Variants in KCND2 observed in about 807,000 individuals in gnomAD.
KCND2 encodes A-type voltage-gated potassium channel KCND2.
In KCND2, 16 loss-of-function variants were observed where a neutral mutation model predicts 54.4. The ratio of observed to expected loss-of-function variants is 0.29; its 90% CI spans 0.20 to 0.45. The LOEUF (loss-of-function observed/expected upper bound fraction) is 0.45, where lower values mean the gene tolerates loss of function less well. Among genes scored for constraint, KCND2 ranks in the 20% least tolerant of loss-of-function variants. The pLI is 1.00. For missense variants in KCND2, 486 were observed against 824.2 expected (o/e 0.59, Z 5.02); for synonymous variants, 317 against 310.7 (o/e 1.02, Z -0.21).
intron 1 of KCND2, among the ~76,000 whole-genome samples, chr7:120,394,362 T>C (rs1283816204): frequency 6.6e-6 from 1 of 151,910 alleles, no homozygotes; most frequent in African/African-American, 2.4e-5. Context: ...CAAGACTAGT[T>C]GAGTCGTGAG....
At chr7:120,733,639 G>A (rs1792834503) in intron 2 of KCND2, among the ~76,000 whole-genome samples, 2 of 152,010 alleles carry the variant, frequency 1.3e-5, no homozygotes, top group South Asian at 2.1e-4. Flanking sequence ...CAGTAGACGA[G>A]GGTTATTAAA....
intron 1 of KCND2, among the ~76,000 whole-genome samples, chr7:120,310,536 T>C (rs774470491): frequency 1.3e-5 from 2 of 152,188 alleles, no homozygotes; most frequent in Non-Finnish European, 2.9e-5. Flanking sequence ...ATTGAGTCTG[T>C]TTCTGTGCCT....
chr7:120,323,319 T>C (rs955188462), intron 1 of KCND2, among the ~76,000 whole-genome samples: 13 of 152,106 alleles, frequency 8.5e-5, no homozygotes, highest in African/African-American at 2.9e-4. Flanking sequence ...TTATTATACT[T>C]TAAGTTTTAG....
Position 120,459,784 on chromosome 7 carries a change from C to T in KCND2, c.1115+184037C>T, listed in dbSNP as rs563601153. Among the ~76,000 whole-genome samples the T allele has an allele frequency of 2.0e-5, 3 of 152,282 alleles. No homozygotes were observed. The East Asian group carries it at 5.8e-4, about 29-fold the overall frequency. ...CTTTTTGTGCCTTAGAATTTATTTTCCTAGTAATTTCAGTATCTAATATTT... is the reference window on the plus strand; with the variant it reads ...CTTTTTGTGCCTTAGAATTTATTTTTCTAGTAATTTCAGTATCTAATATTT... On this transcript the variant is annotated intron_variant, in intron 1 of 5. Coordinates refer to ENST00000331113, the MANE Select transcript of KCND2 (RefSeq NM_012281.3).
intron 1 of KCND2, among the ~76,000 whole-genome samples, chr7:120,663,989 A>C (rs1791895907): frequency 2.6e-5 from 4 of 152,140 alleles, no homozygotes; most frequent in Admixed American, 2.6e-4. Flanking sequence ...TAATTTCTTC[A>C]TGACCTTTAA....
intron 1 of KCND2, among the ~76,000 whole-genome samples, chr7:120,582,875 A>G (rs1276172133): frequency 6.6e-6 from 1 of 152,014 alleles, no homozygotes; most frequent in East Asian, 1.9e-4. Flanking sequence ...TAGAACTCTC[A>G]GAAGGACTTT....
At chr7:120,659,312 TA>T (rs11292818) in intron 1 of KCND2, among the ~76,000 whole-genome samples, 58,670 of 151,864 alleles carry the variant, frequency 0.39, 13,359 homozygotes, top group African/African-American at 0.62. Context: ...ACAATAGGAC[TA>T]AAGAGGGGAG....
chr7:120,277,850 C>T (rs1433863371), intron 1 of KCND2, among the ~76,000 whole-genome samples: 2 of 151,848 alleles, frequency 1.3e-5, no homozygotes, highest in Non-Finnish European at 1.5e-5. Context: ...ATTATATTGC[C>T]TGAGTAAAAT....
At chr7:120,559,731 T>G (rs1180591724) in intron 1 of KCND2, among the ~76,000 whole-genome samples, 1 of 152,240 alleles carries the variant, frequency 6.6e-6, no homozygotes, top group East Asian at 1.9e-4. Flanking sequence ...GATTCCAGTC[T>G]ATGATACAGT....
chr7:120,706,306 G>C (rs1312051596), intron 1 of KCND2, among the ~76,000 whole-genome samples: 1 of 152,158 alleles, frequency 6.6e-6, no homozygotes, highest in African/African-American at 2.4e-5. Context: ...AACCCATTTT[G>C]TGCTGCTACA....
intron 1 of KCND2, among the ~76,000 whole-genome samples, chr7:120,526,089 G>C (rs1017214295): frequency 1.3e-5 from 2 of 151,916 alleles, no homozygotes; most frequent in African/African-American, 4.8e-5. Flanking sequence ...CTTTTATCTT[G>C]ACCCAATGCC....
At chr7:120,647,714 G>C (rs1049383379) in intron 1 of KCND2, among the ~76,000 whole-genome samples, 1 of 152,044 alleles carries the variant, frequency 6.6e-6, no homozygotes, top group Middle Eastern at 3.2e-3. Context: ...TTAAATATTT[G>C]CCAAATTAAC....
intron 3 of KCND2, among the ~76,000 whole-genome samples, chr7:120,741,914 A>T (rs76856186): frequency 6.6e-6 from 1 of 152,094 alleles, no homozygotes; most frequent in African/African-American, 2.4e-5. Flanking sequence ...GTAAAAAAAA[A>T]TGCTTAATAA....
chr7:120,333,695 A>G (rs1040943732), intron 1 of KCND2, among the ~76,000 whole-genome samples: 25 of 152,100 alleles, frequency 1.6e-4, no homozygotes, highest in Non-Finnish European at 3.4e-4. Flanking sequence ...TTATTATTAT[A>G]CTATTATTTT....
chr7:120,610,825 C>T (rs1164211155), intron 1 of KCND2, among the ~76,000 whole-genome samples: 3 of 152,172 alleles, frequency 2.0e-5, no homozygotes, highest in African/African-American at 4.8e-5. Context: ...GGGTACTACT[C>T]ATCTGCTCAC....
chr7:120,572,591 C>T (rs1413773559), intron 1 of KCND2, among the ~76,000 whole-genome samples: 2 of 152,132 alleles, frequency 1.3e-5, no homozygotes, highest in African/African-American at 4.8e-5. Context: ...GATCTTGGCT[C>T]ACTGCAACCT....
intron 1 of KCND2, among the ~76,000 whole-genome samples, chr7:120,383,749 A>G (rs1402235555): frequency 6.6e-6 from 1 of 152,132 alleles, no homozygotes; most frequent in Non-Finnish European, 1.5e-5. Context: ...GAAGAAAAAA[A>G]TACAGTGTAA....
At chr7:120,677,564 G>GATATATAT (rs1340371002) in intron 1 of KCND2, among the ~76,000 whole-genome samples, 12 of 117,160 alleles carry the variant, frequency 1.0e-4, no homozygotes, top group African/African-American at 4.3e-4. Context: ...TAGATATATA[G>GATATATAT]ATATATAGAT....
At chr7:120,289,072 A>G (rs1799393576) in intron 1 of KCND2, among the ~76,000 whole-genome samples, 1 of 17,296 alleles carries the variant, frequency 5.8e-5, no homozygotes, top group Non-Finnish European at 6.5e-4. Flanking sequence ...ACACACACAC[A>G]CACACAGAGA....
Sources: allele counts gnomAD v4.1 joint callset (sites outside exome capture counted in the v4.1 genomes callset), GRCh38; gene constraint gnomAD v4.1.1; transcripts MANE v1.5; gene names NCBI Gene and HGNC (gene_info 2026-07-23, HGNC 2026-07-21).